Variants in PHB1 observed in about 807,000 individuals in gnomAD.
The protein encoded by PHB1 is epididymis luminal protein 215.
chr17:49,408,250 T>G, the PHB1 span, among the ~76,000 whole-genome samples: 1 of 152,292 alleles, frequency 6.6e-6, no homozygotes, highest in South Asian at 2.1e-4. Context: ...CTGGGTGTTG[T>G]CAAGTGGCTG....
the PHB1 span, chr17:49,406,800 C>A: frequency 6.2e-7 from 1 of 1,613,960 alleles, no homozygotes; most frequent in Non-Finnish European, 8.5e-7. Context: ...TCCTGCTGAG[C>A]CACCTGTTTG....
chr17:49,407,503 G>C, the PHB1 span: 5 of 153,484 alleles, frequency 3.3e-5, no homozygotes, highest in African/African-American at 1.2e-4. Flanking sequence ...TGAGGGTTTA[G>C]AAGTCTGATG....
chr17:49,412,880 G>T, the PHB1 span: 1 of 287,692 alleles, frequency 3.5e-6, no homozygotes, highest in Admixed American at 4.7e-5. Context: ...GACACTGTGC[G>T]GCAGCATTTG....
chr17:49,413,225 G>A, the PHB1 span: 5 of 1,611,822 alleles, frequency 3.1e-6, no homozygotes, highest in Admixed American at 6.7e-5. Flanking sequence ...GCTAAGGCCA[G>A]GCCAAACTTG....
At chr17:49,414,572 T>G in the PHB1 span, among the ~76,000 whole-genome samples, 8 of 152,214 alleles carry the variant, frequency 5.3e-5, no homozygotes, top group South Asian at 1.7e-3. Flanking sequence ...TCTCGTCCAG[T>G]GCATTTAAAT....
chr17:49,413,247 A>C, the PHB1 span: 5 of 1,608,740 alleles, frequency 3.1e-6, no homozygotes, highest in Non-Finnish European at 3.4e-6. Flanking sequence ...CAATGGACTC[A>C]AACACTTTGG....
the PHB1 span, chr17:49,411,833 G>C: frequency 6.2e-7 from 1 of 1,613,348 alleles, no homozygotes; most frequent in South Asian, 1.1e-5. Flanking sequence ...TCTGTGCCCA[G>C]CATCCACTAG....
the PHB1 span, chr17:49,408,850 G>A: frequency 1.8e-6 from 1 of 557,352 alleles, no homozygotes; most frequent in Non-Finnish European, 3.2e-6. Context: ...GTGTGTGGCA[G>A]GGGGAAGGTA....
At chr17:49,408,954 A>T in the PHB1 span, 4 of 775,624 alleles carry the variant, frequency 5.2e-6, no homozygotes, top group Non-Finnish European at 8.7e-6. Context: ...AGAAGGGAGG[A>T]CCTAATAGCG....
At chr17:49,404,202 C>G in the PHB1 span, 1 of 152,834 alleles carries the variant, frequency 6.5e-6, no homozygotes, top group Non-Finnish European at 1.5e-5. Context: ...GCATGTTCAG[C>G]CCCAGCAGGA....
chr17:49,410,982 C>T, the PHB1 span, among the ~76,000 whole-genome samples: 14 of 152,150 alleles, frequency 9.2e-5, no homozygotes, highest in East Asian at 3.9e-4. Flanking sequence ...AGCACTGTCA[C>T]GGCTTGCTTA....
At chr17:49,411,189 T>A in the PHB1 span, among the ~76,000 whole-genome samples, 1 of 148,690 alleles carries the variant, frequency 6.7e-6, no homozygotes, top group African/African-American at 2.5e-5. Context: ...ATGGGAAGAT[T>A]AGAAGCAGGC....
At chr17:49,409,301 G>A in the PHB1 span, 1 of 1,613,818 alleles carries the variant, frequency 6.2e-7, no homozygotes, top group South Asian at 1.1e-5. Flanking sequence ...GGTGCTCTGG[G>A]CTCGAGGCTA....
the PHB1 span, chr17:49,406,843 G>A: frequency 6.2e-7 from 1 of 1,613,072 alleles, no homozygotes; most frequent in South Asian, 1.1e-5. Context: ...CCTTCCCGAA[G>A]GTCAGATGTG....
At chr17:49,408,874 C>A in the PHB1 span, 2 of 590,978 alleles carry the variant, frequency 3.4e-6, no homozygotes, top group South Asian at 2.4e-5. Context: ...GAACCCTCAA[C>A]TGAAAAACCC....
chr17:49,411,467 G>C, the PHB1 span, among the ~76,000 whole-genome samples: 3 of 152,030 alleles, frequency 2.0e-5, no homozygotes, highest in African/African-American at 7.3e-5. Flanking sequence ...CAAAGTGCTG[G>C]GATTACAGGC....
At chr17:49,405,215 G>A in the PHB1 span, 1 of 1,611,616 alleles carries the variant, frequency 6.2e-7, no homozygotes, top group Non-Finnish European at 8.5e-7. Context: ...CTAAAAGAAT[G>A]GAGGTGGAGA....
At chr17:49,411,900 A>G in the PHB1 span, 3 of 1,513,000 alleles carry the variant, frequency 2.0e-6, no homozygotes, top group Non-Finnish European at 2.7e-6. Context: ...CAAAAGGATC[A>G]TGTCTTTGAA....
At chr17:49,411,352 C>G in the PHB1 span, among the ~76,000 whole-genome samples, 1 of 152,014 alleles carries the variant, frequency 6.6e-6, no homozygotes, top group Non-Finnish European at 1.5e-5. Context: ...AGGCACCCCC[C>G]ACCACCGGCT....
Sources: gnomAD v4.1 joint callset for allele counts (sites outside exome capture counted in the v4.1 genomes callset) on GRCh38, gnomAD v4.1.1 for gene constraint, MANE v1.5 for transcripts, NCBI Gene and HGNC (gene_info 2026-07-23, HGNC 2026-07-21) for gene names.